The following EXOC1 variants were observed in gnomAD, a reference collection of about 807,000 sequenced individuals.
EXOC1 encodes the protein exocyst complex component 1, also known as SEC3-like 1.
A neutral mutation model predicts 107.7 loss-of-function variants in EXOC1; 67 were observed. That is an observed-to-expected ratio of 0.62 (90% CI 0.51 to 0.76). The LOEUF (loss-of-function observed/expected upper bound fraction) is 0.76, where lower values mean the gene tolerates loss of function less well. Ranked by LOEUF, EXOC1 falls within the 30% of genes least tolerant of loss-of-function variation. EXOC1 has a pLI of 0.00. For missense variants in EXOC1, 833 were observed against 1,055.7 expected (o/e 0.79, Z 2.92); for synonymous variants, 348 against 353.5 (o/e 0.98, Z 0.17).
intron 1 of EXOC1, 70 bp from the exon 2 acceptor site, chr4:55,858,244 C>A (rs1577685929): frequency 7.2e-7 from 1 of 1,392,402 alleles, no homozygotes; most frequent in Non-Finnish European, 9.4e-7. Context: ...ATTTTCAAAT[C>A]ATAAATTCAG....
chr4:55,891,907 C>A (rs1724599249), intron 13 of EXOC1, among the ~76,000 whole-genome samples: 1 of 152,152 alleles, frequency 6.6e-6, no homozygotes, highest in Non-Finnish European at 1.5e-5. Context: ...GTTATTCGAT[C>A]CCCAGCTTTC....
rs564285925 is a variant in EXOC1 at position 55,887,100 on chromosome 4, T to C, written c.1331-1788T>C. The stretch of plus-strand genomic sequence containing the variant: ...TTTGTATTCTACAAATTTAATGAAA[T>C]GACAGGGAAAGGAAATTTAGTAATT... On this transcript the variant is annotated intron_variant, in intron 10 of 18. Transcript: ENST00000381295. Among the ~76,000 whole-genome samples the C allele has an allele frequency of 3.9e-5, 6 of 152,294 alleles. No homozygotes were observed. In the South Asian group the frequency reaches 1.2e-3, roughly 32 times the overall value.
At position 55,890,391 on chromosome 4, in the gene EXOC1, A is replaced by T. The variant is rs780208683; in HGVS notation, c.1539+5A>T. 6.2e-7 allele frequency: 1 copy of T among 1,613,010 alleles called. No individual in the cohort carries two copies. Among genetic ancestry groups the T allele is most frequent in the Non-Finnish European group, 8.5e-7 (1 of 1,179,376 alleles). On this transcript the variant is annotated splice_donor_5th_base_variant and intron_variant, in intron 12 of 18. Coordinates refer to ENST00000381295, the MANE Select transcript of EXOC1 (RefSeq NM_001024924.2). ...GACAGGACCAAATTTGATAAGGTAAACTAAAATAACAAGTACTTCTTAAAC... is the reference window on the plus strand; with the variant it reads ...GACAGGACCAAATTTGATAAGGTAATCTAAAATAACAAGTACTTCTTAAAC...
intron 4 of EXOC1, chr4:55,866,859 T>C: frequency 3.0e-6 from 3 of 985,302 alleles, no homozygotes; most frequent in Non-Finnish European, 3.6e-6. Flanking sequence ...TTTTCATACT[T>C]TTTACTCTCC....
intron 12 of EXOC1, 64 bp downstream of exon 12, chr4:55,890,450 T>A (rs1309565790): frequency 5.5e-6 from 8 of 1,451,414 alleles, no homozygotes. Context: ...AGTTTGTGGT[T>A]GCTCTAAGTG....
rs1379688783 is a variant in EXOC1, at chr4:55,871,229, A to G, written c.960A>G (p.Arg320=). Residue 320 remains arginine, a synonymous_variant, in exon 7 of 19, where the codon CGA becomes CGG. Coordinates refer to ENST00000381295, the MANE Select transcript of EXOC1 (RefSeq NM_001024924.2). ...TGCAGTGCATGAATGTAGCTCTTCG[A>G]CCAGGTATGTTCATTAGAAATGACA... ...ALLQCMNVAL[R]PGHDLLLAVK... is the part of the protein sequence containing the mutation. 1 of 1,612,280 alleles carries G rather than the reference A, an allele frequency of 6.2e-7. No individual in the cohort carries two copies.
At chr4:55,897,431 C>G (rs1725360176) in intron 16 of EXOC1, among the ~76,000 whole-genome samples, 1 of 152,056 alleles carries the variant, frequency 6.6e-6, no homozygotes, top group South Asian at 2.1e-4. Flanking sequence ...TTATTTAGGA[C>G]TCAGTTTTTC....
chr4:55,864,214 A>ATT lies in EXOC1; in HGVS notation c.256-9_256-8dup. The ATT allele has an allele frequency of 6.8e-7, 1 of 1,465,746 alleles. No individual in the cohort carries two copies. The highest frequency in any genetic ancestry group is 9.3e-7 in the Non-Finnish European group (1 of 1,077,386). 90.8% of individuals were successfully genotyped at this position (1,465,746 alleles called of 1,614,324 possible). A position where few individuals can be genotyped will look rare whatever the true frequency, so the allele number is the denominator to read the frequency against. ...TGATCAAAAATAATATCTTTTGTAT[A>ATT]TTTTTATTTTAGGAAAATCCTGAAT... On this transcript the variant is annotated splice_polypyrimidine_tract_variant and intron_variant, in intron 3 of 18. Transcript: ENST00000381295.
chr4:55,889,142 T>C (rs1340633000), intron 11 of EXOC1, among the ~76,000 whole-genome samples: 2 of 152,188 alleles, frequency 1.3e-5, no homozygotes, highest in Non-Finnish European at 2.9e-5. Flanking sequence ...TAGTAGAACA[T>C]TGTGTCAGAA....
chr4:55,880,399 T>G (rs1015102355), intron 9 of EXOC1, among the ~76,000 whole-genome samples: 5 of 152,152 alleles, frequency 3.3e-5, no homozygotes, highest in African/African-American at 1.2e-4. Context: ...AATTAGTATA[T>G]TAAGCATTAT....
chr4:55,892,687 G>T lies in EXOC1; in HGVS notation c.1700G>T (p.Gly567Val). The change falls in exon 14 of 19, where the codon GGC becomes GTC. Residue 567 changes from glycine (G) to valine (V), a missense_variant. Gly to Val is a moderately radical substitution (Grantham distance 109). This residue lies in a region of EXOC1 where 617 missense variants were observed against 701.3 expected (regional missense o/e 0.88). Coordinates refer to ENST00000381295, the MANE Select transcript of EXOC1 (RefSeq NM_001024924.2). ...ACATTATCACGGCAACATAATTGTGGCACACCACTGCCTGTTTCATCTGAG... is the reference window on the plus strand; with the variant it reads ...ACATTATCACGGCAACATAATTGTGTCACACCACTGCCTGTTTCATCTGAG... ...GGTLSRQHNC[G>V]TPLPVSSEKD... The T allele has an allele frequency of 1.2e-6, 2 of 1,614,050 alleles. No individual in the cohort carries two copies. Among genetic ancestry groups the T allele is most frequent in the Non-Finnish European group, 1.7e-6 (2 of 1,179,960 alleles).
intron 9 of EXOC1, among the ~76,000 whole-genome samples, chr4:55,878,469 C>T (rs1034748304): frequency 6.6e-6 from 1 of 152,168 alleles, no homozygotes; most frequent in Non-Finnish European, 1.5e-5. Flanking sequence ...CTATTCCAGG[C>T]ACCTGGGGCC....
chr4:55,861,179 C>T (rs960805262), intron 3 of EXOC1, among the ~76,000 whole-genome samples: 4 of 152,116 alleles, frequency 2.6e-5, no homozygotes, highest in African/African-American at 9.7e-5. Context: ...AAGTTGGCCT[C>T]CTTTGATTAA....
intron 4 of EXOC1, among the ~76,000 whole-genome samples, chr4:55,866,035 A>C (rs374808067): frequency 6.6e-6 from 1 of 152,090 alleles, no homozygotes; most frequent in Admixed American, 6.6e-5. Context: ...ATGTCTACAA[A>C]CTTGTTTTAT....
chr4:55,898,148 A>G (rs553445350), intron 16 of EXOC1, among the ~76,000 whole-genome samples: 5 of 152,222 alleles, frequency 3.3e-5, no homozygotes, highest in Non-Finnish European at 7.4e-5. Flanking sequence ...TTTCAGCTAC[A>G]CAGGAGGCTG....
chr4:55,892,272 A>G (rs1724648229), intron 13 of EXOC1, among the ~76,000 whole-genome samples: 1 of 152,038 alleles, frequency 6.6e-6, no homozygotes, highest in Non-Finnish European at 1.5e-5. Context: ...AATTTTTTAA[A>G]TTCTCTTTTG....
intron 15 of EXOC1, among the ~76,000 whole-genome samples, chr4:55,894,145 C>T (rs538772315): frequency 3.9e-5 from 6 of 152,052 alleles, no homozygotes; most frequent in African/African-American, 1.4e-4. Context: ...GAGAACATGG[C>T]GAAACCCCAT....
intron 1 of EXOC1, among the ~76,000 whole-genome samples, chr4:55,857,012 A>T (rs1319709098): frequency 1.3e-5 from 2 of 151,886 alleles, no homozygotes; most frequent in African/African-American, 4.8e-5. Flanking sequence ...AAAACCACTT[A>T]TATTTCTGTA....
chr4:55,886,582 A>C (rs11729245), intron 10 of EXOC1, among the ~76,000 whole-genome samples: 7,897 of 151,788 alleles, frequency 0.052, 515 homozygotes, highest in Admixed American at 0.18. Context: ...AAACAAAAAA[A>C]AAAAAAACAA....
Sources: gnomAD v4.1 joint callset for allele counts (sites outside exome capture counted in the v4.1 genomes callset) on GRCh38, gnomAD v4.1.1 for gene constraint, gnomAD v4.1.1 regional missense constraint, MANE v1.5 for transcripts, NCBI Gene and HGNC (gene_info 2026-07-23, HGNC 2026-07-21) for gene names.